The following XKR4 variants were observed in gnomAD, a reference collection of about 807,000 sequenced individuals.
XKR4 encodes XK-related protein 4.
A neutral mutation model predicts 53.9 loss-of-function variants in XKR4; 12 were observed. The observed-to-expected ratio is 0.22, with a 90% CI of 0.14 to 0.36. The LOEUF is 0.36. XKR4 is among the 10% of genes least tolerant of loss of function. XKR4 has a pLI of 1.00. For synonymous variants in XKR4, 354 were observed against 362.4 expected, an observed-to-expected ratio of 0.98 and a Z score of 0.26; for missense variants, 799 against 859.5, an observed-to-expected ratio of 0.93 and a Z score of 0.88.
intron 1 of XKR4, among the ~76,000 whole-genome samples, chr8:55,231,747 A>G (rs1818044261): frequency 6.6e-6 from 1 of 152,190 alleles, no homozygotes; most frequent in Admixed American, 6.5e-5. Context: ...TGAAAAATAA[A>G]TGCAGGGGAA....
At chr8:55,161,814 T>C (rs1816990745) in intron 1 of XKR4, among the ~76,000 whole-genome samples, 1 of 152,232 alleles carries the variant, frequency 6.6e-6, no homozygotes, top group Non-Finnish European at 1.5e-5. Flanking sequence ...AAGTTAAGTA[T>C]CTGAGGTCTT....
chr8:55,531,333 G>A lies in XKR4; in HGVS notation c.*7106G>A, dbSNP rs1214534344. The A allele has an allele frequency of 6.6e-6, 1 of 152,110 alleles. No homozygotes were observed. Among genetic ancestry groups the A allele is most frequent in the African/African-American group, 2.4e-5 (1 of 41,408 alleles). 9.4% of individuals were successfully genotyped at this position (152,110 alleles called of 1,614,324 possible). A position where few individuals can be genotyped will look rare whatever the true frequency, so the allele number is the denominator to read the frequency against. On this transcript the variant is annotated 3_prime_UTR_variant, in exon 3 of 3. Coordinates refer to ENST00000327381, the MANE Select transcript of XKR4 (RefSeq NM_052898.2). ...CTGTAACACCATGGTAAGTACTTGT[G>A]TATTTAAATATAGAAAAGTTAACAG...
intron 2 of XKR4, among the ~76,000 whole-genome samples, chr8:55,465,687 G>T (rs993453074): frequency 6.6e-6 from 1 of 152,044 alleles, no homozygotes; most frequent in African/African-American, 2.4e-5. Context: ...ACCACCATCA[G>T]AGTGAACAGG....
chr8:55,464,406 G>C lies in XKR4; in HGVS notation c.1007-58875G>C, dbSNP rs1012242256. On this transcript the variant is annotated intron_variant, in intron 2 of 2. Coordinates refer to ENST00000327381, the MANE Select transcript of XKR4 (RefSeq NM_052898.2). Reference sequence around the variant, plus strand: ...GATTATCTCAATAGATGCAGAAAACGCCTTTCACAAAATTCAATAACGCTT... The same window carrying C: ...GATTATCTCAATAGATGCAGAAAACCCCTTTCACAAAATTCAATAACGCTT... 9.3e-4 allele frequency among the ~76,000 whole-genome samples: 142 copies of C among 152,182 alleles called. 1 individual carries two copies. The highest frequency in any genetic ancestry group is 3.4e-3 in the Middle Eastern group (1 of 294).
intron 1 of XKR4, among the ~76,000 whole-genome samples, chr8:55,318,042 C>T (rs1246142502): frequency 6.6e-6 from 1 of 152,192 alleles, no homozygotes; most frequent in African/African-American, 2.4e-5. Flanking sequence ...AACCAATGTT[C>T]AAGGTTGGAC....
At chr8:55,272,554 A>G (rs1818706949) in intron 1 of XKR4, among the ~76,000 whole-genome samples, 1 of 152,102 alleles carries the variant, frequency 6.6e-6, no homozygotes, top group Admixed American at 6.6e-5. Context: ...ACTTCATACC[A>G]TATTTCTGTT....
intron 1 of XKR4, among the ~76,000 whole-genome samples, chr8:55,224,513 T>C (rs1817926808): frequency 6.6e-6 from 1 of 152,192 alleles, no homozygotes; most frequent in Non-Finnish European, 1.5e-5. Flanking sequence ...TAATTATTCT[T>C]GACTCTCCAC....
intron 1 of XKR4, among the ~76,000 whole-genome samples, chr8:55,288,514 C>A (rs1319482535): frequency 6.6e-6 from 1 of 152,306 alleles, no homozygotes; most frequent in East Asian, 1.9e-4. Context: ...ATTTCAGGTT[C>A]ATCCTACTAG....
intron 2 of XKR4, chr8:55,455,258 AGCGGCTGCGGCTGCGGCG>A (rs1805549312): frequency 5.9e-6 from 1 of 170,732 alleles, no homozygotes; most frequent in East Asian, 1.7e-4. Context: ...CGGCGGCCGC[AGCGGCTGCGGCTGCGGCG>A]GCGGCCCGGG....
chr8:55,344,240 A>G (rs1803601101), intron 1 of XKR4, among the ~76,000 whole-genome samples: 1 of 152,220 alleles, frequency 6.6e-6, no homozygotes, highest in African/African-American at 2.4e-5. Context: ...AACATCCATA[A>G]ATCTGCTAAA....
chr8:55,115,263 T>C (rs111835681), intron 1 of XKR4, among the ~76,000 whole-genome samples: 399 of 152,278 alleles, frequency 2.6e-3, no homozygotes, highest in African/African-American at 9.2e-3. Flanking sequence ...ATGGGAAATA[T>C]GGTTGCTCCA....
chr8:55,394,597 C>T (rs1051620470), intron 2 of XKR4, among the ~76,000 whole-genome samples: 7 of 152,206 alleles, frequency 4.6e-5, no homozygotes, highest in African/African-American at 1.4e-4. Context: ...ACTGGCATGG[C>T]GAAATATCTT....
chr8:55,438,064 G>C (rs139872759), intron 2 of XKR4, among the ~76,000 whole-genome samples: 1 of 152,074 alleles, frequency 6.6e-6, no homozygotes, highest in Non-Finnish European at 1.5e-5. Flanking sequence ...GAAGGAAGAC[G>C]TAACAGCCAG....
In XKR4 at chr8:55,197,744, T is replaced by C. The variant is rs1034222467; in HGVS notation, c.806+94450T>C. On this transcript the variant is annotated intron_variant, in intron 1 of 2. Coordinates refer to ENST00000327381, the MANE Select transcript of XKR4 (RefSeq NM_052898.2). Reference sequence around the variant, plus strand: ...ATTTTTAGTAGAGACAGGGTTTCATTGTGTTAGCCAGGATGGTCTTGATCT... The same window carrying C: ...ATTTTTAGTAGAGACAGGGTTTCATCGTGTTAGCCAGGATGGTCTTGATCT... Among the ~76,000 whole-genome samples, 10 of 152,120 alleles carry C rather than the reference T, an allele frequency of 6.6e-5. No individual in the cohort carries two copies. In the East Asian group the frequency reaches 1.7e-3, roughly 27 times the overall value.
intron 2 of XKR4, among the ~76,000 whole-genome samples, chr8:55,510,115 A>G (rs1456411106): frequency 6.6e-6 from 1 of 152,062 alleles, no homozygotes; most frequent in Non-Finnish European, 1.5e-5. Flanking sequence ...GGCAGGAGAG[A>G]CACCCACAGG....
At chr8:55,234,333 A>C (rs1373544358) in intron 1 of XKR4, among the ~76,000 whole-genome samples, 1 of 152,188 alleles carries the variant, frequency 6.6e-6, no homozygotes, top group East Asian at 1.9e-4. Flanking sequence ...ATCCTTGTTC[A>C]TTTATGGCTA....
At chr8:55,247,855 C>CTTTCTTTCT (rs369983175) in intron 1 of XKR4, among the ~76,000 whole-genome samples, 45 of 59,896 alleles carry the variant, frequency 7.5e-4, no homozygotes, top group African/African-American at 2.0e-3. Flanking sequence ...TTCTTTCTTT[C>CTTTCTTTCT]TTTTTTTTTT....
chr8:55,485,500 A>G (rs1806178638), intron 2 of XKR4, among the ~76,000 whole-genome samples: 1 of 152,224 alleles, frequency 6.6e-6, no homozygotes, highest in Non-Finnish European at 1.5e-5. Context: ...AAAATATAAT[A>G]CTATTTACAG....
chr8:55,167,406 G>A (rs543091010), intron 1 of XKR4, among the ~76,000 whole-genome samples: 1 of 152,306 alleles, frequency 6.6e-6, no homozygotes, highest in East Asian at 1.9e-4. Context: ...AGGCTCAGCT[G>A]TGAAGACCTC....
Sources: allele counts gnomAD v4.1 joint callset (sites outside exome capture counted in the v4.1 genomes callset), GRCh38; gene constraint gnomAD v4.1.1; transcripts MANE v1.5; gene names NCBI Gene and HGNC (gene_info 2026-07-23, HGNC 2026-07-21).